The following FAM227B variants were observed in gnomAD, a reference collection of about 807,000 sequenced individuals.
The protein encoded by FAM227B is protein FAM227B.
Under a neutral mutation model 73.8 loss-of-function variants are expected in FAM227B, and 88 were observed. That is an observed-to-expected ratio of 1.19 (90% CI 1.00 to 1.42). The LOEUF is 1.42. Ranked by LOEUF, FAM227B falls within the 40% of genes most tolerant of loss-of-function variation. The pLI, the probability that FAM227B is intolerant of heterozygous loss-of-function variation, is 0.00. For missense variants in FAM227B, 632 were observed against 590.9 expected, an observed-to-expected ratio of 1.07 and a Z score of -0.72; for synonymous variants, 210 against 190.5, an observed-to-expected ratio of 1.10 and a Z score of -0.84.
chr15:49,345,991 C>T (rs1296705903), intron 13 of FAM227B, among the ~76,000 whole-genome samples: 5 of 151,738 alleles, frequency 3.3e-5, no homozygotes, highest in Non-Finnish European at 5.9e-5. Context: ...GAATTGAAAC[C>T]AAGAGGTTAA....
chr15:49,497,413 G>A (rs2057719504), intron 11 of FAM227B, among the ~76,000 whole-genome samples: 1 of 152,098 alleles, frequency 6.6e-6, no homozygotes, highest in Admixed American at 6.5e-5. Context: ...CAGATACCAT[G>A]AGCCAAGCCC....
intron 11 of FAM227B, chr15:49,483,087 C>T (rs2056096293): frequency 9.3e-6 from 8 of 862,356 alleles, no homozygotes; most frequent in Non-Finnish European, 1.4e-5. Context: ...GAACAAATGG[C>T]CATTCGTGGA....
intron 11 of FAM227B, 56 bp from the exon 12 acceptor site, chr15:49,371,455 A>G (rs2045799825): frequency 9.3e-7 from 1 of 1,072,530 alleles, no homozygotes. Flanking sequence ...CCTTCACAGA[A>G]AAAGCATGAT....
intron 11 of FAM227B, among the ~76,000 whole-genome samples, chr15:49,464,876 T>C (rs1000267643): frequency 6.6e-6 from 1 of 152,142 alleles, no homozygotes; most frequent in East Asian, 1.9e-4. Context: ...GCAATTAGAA[T>C]GAATAAATGA....
intron 11 of FAM227B, among the ~76,000 whole-genome samples, chr15:49,387,267 C>G (rs1431088074): frequency 6.6e-6 from 1 of 151,460 alleles, no homozygotes; most frequent in East Asian, 1.9e-4. Context: ...TAAACAAATC[C>G]CACAGGATAT....
intron 9 of FAM227B, among the ~76,000 whole-genome samples, chr15:49,546,679 T>C (rs2071944350): frequency 6.6e-6 from 1 of 152,242 alleles, no homozygotes; most frequent in Non-Finnish European, 1.5e-5. Context: ...TATCTCATTG[T>C]GGTTTTGATT....
chr15:49,493,644 A>C (rs1428069596), intron 11 of FAM227B, among the ~76,000 whole-genome samples: 1 of 151,826 alleles, frequency 6.6e-6, no homozygotes, highest in Non-Finnish European at 1.5e-5. Flanking sequence ...CATTTAGAGA[A>C]TTTTTATCTC....
chr15:49,461,703 T>A (rs1055942301), intron 11 of FAM227B, among the ~76,000 whole-genome samples: 17 of 152,230 alleles, frequency 1.1e-4, no homozygotes, highest in African/African-American at 4.1e-4. Flanking sequence ...CAATCCTTAT[T>A]TTTTTGAGGA....
intron 8 of FAM227B, among the ~76,000 whole-genome samples, chr15:49,569,222 CCCA>C (rs2074907556): frequency 6.6e-6 from 1 of 151,622 alleles, no homozygotes; most frequent in Admixed American, 6.6e-5. Flanking sequence ...AAATATTGCC[CCCA>C]CTTTTTTATA....
At chr15:49,596,411 T>G (rs937001917) in intron 3 of FAM227B, among the ~76,000 whole-genome samples, 11 of 151,956 alleles carry the variant, frequency 7.2e-5, no homozygotes, top group African/African-American at 2.6e-4. Flanking sequence ...AAACAAATGA[T>G]GAGAGAGAGA....
intron 13 of FAM227B, among the ~76,000 whole-genome samples, chr15:49,337,682 C>A (rs1167817464): frequency 6.6e-6 from 1 of 151,558 alleles, no homozygotes; most frequent in Non-Finnish European, 1.5e-5. Context: ...CACAGCCCCA[C>A]CCCCTCAACA....
chr15:49,360,367 A>G (rs9888725), intron 13 of FAM227B, among the ~76,000 whole-genome samples: 42,281 of 152,178 alleles, frequency 0.28, 6,399 homozygotes, highest in East Asian at 0.43. Context: ...TGAATGTTTA[A>G]AACTCATGTT....
chr15:49,385,676 G>T (rs1471592314), intron 11 of FAM227B, among the ~76,000 whole-genome samples: 7 of 149,232 alleles, frequency 4.7e-5, no homozygotes, highest in Non-Finnish European at 8.9e-5. Context: ...GACTGTAAAA[G>T]GCCTAAATAC....
chr15:49,525,896 T>C (rs1447239610), intron 10 of FAM227B, among the ~76,000 whole-genome samples: 1 of 150,640 alleles, frequency 6.6e-6, no homozygotes, highest in African/African-American at 2.4e-5. Context: ...AGCACAAAGA[T>C]TCATAAAACA....
At chr15:49,583,200 TG>T (rs1394669468) in intron 5 of FAM227B, among the ~76,000 whole-genome samples, 1 of 147,154 alleles carries the variant, frequency 6.8e-6, no homozygotes, top group African/African-American at 2.4e-5. Flanking sequence ...CTCCCGTATT[TG>T]TTTTTTTTTT....
chr15:49,551,127 C>T (rs981057964), intron 9 of FAM227B, among the ~76,000 whole-genome samples: 19 of 152,320 alleles, frequency 1.2e-4, no homozygotes, highest in Middle Eastern at 3.4e-3. Flanking sequence ...CAAAAAAATA[C>T]GAAAACCAGT....
chr15:49,467,809 A>G (rs2054397822), intron 11 of FAM227B, among the ~76,000 whole-genome samples: 1 of 152,106 alleles, frequency 6.6e-6, no homozygotes, highest in South Asian at 2.1e-4. Context: ...CTCTGGCCCA[A>G]AGGAGAAAGG....
intron 8 of FAM227B, among the ~76,000 whole-genome samples, chr15:49,569,065 C>A (rs1258165750): frequency 1.3e-5 from 2 of 151,824 alleles, no homozygotes; most frequent in African/African-American, 4.8e-5. Flanking sequence ...TTAATAGTTA[C>A]AATCTAGATT....
intron 11 of FAM227B, among the ~76,000 whole-genome samples, chr15:49,492,437 A>C: frequency 6.6e-6 from 1 of 151,858 alleles, no homozygotes; most frequent in East Asian, 1.9e-4. Flanking sequence ...GCTAGGTGGC[A>C]GTGCTTATCT....
Sources: gnomAD v4.1 joint callset for allele counts (sites outside exome capture counted in the v4.1 genomes callset) on GRCh38, gnomAD v4.1.1 for gene constraint, MANE v1.5 for transcripts, NCBI Gene and HGNC (gene_info 2026-07-23, HGNC 2026-07-21) for gene names.